The following CSMD1 variants were observed in gnomAD, a reference collection of about 807,000 sequenced individuals.
CSMD1 encodes CUB and sushi domain-containing protein 1.
A neutral mutation model predicts 417.5 loss-of-function variants in CSMD1; 213 were observed. The ratio of observed to expected loss-of-function variants is 0.51; its 90% CI spans 0.46 to 0.57. The LOEUF (loss-of-function observed/expected upper bound fraction) is 0.57. CSMD1 is among the 20% of genes least tolerant of loss of function. The probability of loss-of-function intolerance (pLI) is 0.00; values close to 1 mark genes in which losing one functional copy is unlikely to be tolerated. For synonymous variants in CSMD1, 2,862 were observed against 1,736.8 expected (o/e 1.65, Z -16.11); for missense variants, 6,923 against 4,529.7 (o/e 1.53, Z -15.17).
chr8:4,450,173 T>C (rs1410237218), intron 2 of CSMD1, among the ~76,000 whole-genome samples: 1 of 152,086 alleles, frequency 6.6e-6, no homozygotes, highest in Non-Finnish European at 1.5e-5. Context: ...ATACGTAGAG[T>C]AAAACCGAAC....
intron 3 of CSMD1, among the ~76,000 whole-genome samples, chr8:4,358,913 A>G (rs1801591422): frequency 6.6e-6 from 1 of 152,142 alleles, no homozygotes; most frequent in Admixed American, 6.6e-5. Flanking sequence ...GTGAACCTTT[A>G]TTAAAAAAAC....
intron 5 of CSMD1, among the ~76,000 whole-genome samples, chr8:3,755,737 T>C (rs906925037): frequency 2.6e-5 from 4 of 152,092 alleles, no homozygotes; most frequent in African/African-American, 7.2e-5. Flanking sequence ...ATGTACAGGA[T>C]CCACTTTAAG....
chr8:4,401,700 T>C (rs951454302), intron 3 of CSMD1, among the ~76,000 whole-genome samples: 2 of 151,802 alleles, frequency 1.3e-5, no homozygotes, highest in Admixed American at 1.3e-4. Flanking sequence ...ACCTCCCATC[T>C]AATCCTCCTT....
intron 3 of CSMD1, among the ~76,000 whole-genome samples, chr8:4,245,906 G>A (rs1272836253): frequency 1.3e-5 from 2 of 152,090 alleles, no homozygotes; most frequent in Admixed American, 6.5e-5. Context: ...TGGTGCTTTA[G>A]CTAAGGCGTT....
intron 2 of CSMD1, among the ~76,000 whole-genome samples, chr8:4,633,831 G>C (rs907836051): frequency 1.3e-5 from 2 of 152,088 alleles, no homozygotes; most frequent in Admixed American, 6.5e-5. Context: ...AAATTGCTGG[G>C]ATTACAGGCA....
At chr8:3,877,942 G>C (rs1333534100) in intron 5 of CSMD1, among the ~76,000 whole-genome samples, 1 of 151,190 alleles carries the variant, frequency 6.6e-6, no homozygotes, top group Non-Finnish European at 1.5e-5. Flanking sequence ...CTAAAGCTTT[G>C]TCTACATCAA....
chr8:3,427,033 C>G (rs1209211745), intron 12 of CSMD1, among the ~76,000 whole-genome samples: 3 of 152,098 alleles, frequency 2.0e-5, no homozygotes, highest in Non-Finnish European at 4.4e-5. Context: ...CTTATAAAAC[C>G]AACACATCTC....
At chr8:4,445,757 T>C (rs13254250) in intron 2 of CSMD1, among the ~76,000 whole-genome samples, 4 of 150,166 alleles carry the variant, frequency 2.7e-5, no homozygotes, top group African/African-American at 7.4e-5. Flanking sequence ...TAGACGGTCC[T>C]GAGAATCTAC....
At chr8:4,249,583 C>T (rs146232184) in intron 3 of CSMD1, among the ~76,000 whole-genome samples, 1 of 152,166 alleles carries the variant, frequency 6.6e-6, no homozygotes, top group Admixed American at 6.5e-5. Flanking sequence ...TAGCTTGAAG[C>T]TGTGTATTGA....
rs1022109123 is a variant in CSMD1, at chr8:3,893,966, G to C, written c.818+103937C>G. ...GCACCCAGAGGACCACCCAGAACTT[G>C]CTTACTGGCAACACCTCTTCCCATC... On this transcript the variant is annotated intron_variant, in intron 5 of 69. Coordinates refer to ENST00000635120, the MANE Select transcript of CSMD1 (RefSeq NM_033225.6). Among the ~76,000 whole-genome samples the C allele has an allele frequency of 2.6e-5, 4 of 152,058 alleles. No homozygotes were observed. In the East Asian group the frequency reaches 7.8e-4, roughly 29 times the overall value.
intron 19 of CSMD1, 47 bp from the exon 20 acceptor site, chr8:3,367,294 A>T (rs1809654425): frequency 1.5e-6 from 2 of 1,362,288 alleles, no homozygotes. Context: ...AGAGAGACAC[A>T]CGGGGCGGCG....
At chr8:3,682,121 A>C (rs1799696180) in intron 7 of CSMD1, among the ~76,000 whole-genome samples, 1 of 152,252 alleles carries the variant, frequency 6.6e-6, no homozygotes, top group Non-Finnish European at 1.5e-5. Context: ...TATTCAGGAC[A>C]TAGGCATGGG....
intron 4 of CSMD1, among the ~76,000 whole-genome samples, chr8:4,014,638 G>A (rs894761588): frequency 6.6e-6 from 1 of 152,174 alleles, no homozygotes; most frequent in Admixed American, 6.5e-5. Context: ...CAAATTCAGA[G>A]CCTGGGTCTT....
intron 2 of CSMD1, among the ~76,000 whole-genome samples, chr8:4,605,327 C>G (rs1271703759): frequency 1.3e-5 from 2 of 152,042 alleles, no homozygotes; most frequent in Non-Finnish European, 2.9e-5. Context: ...TCTCTTGAAG[C>G]AATGAACCCA....
chr8:4,455,696 C>T (rs926767188), intron 2 of CSMD1, among the ~76,000 whole-genome samples: 4 of 151,624 alleles, frequency 2.6e-5, no homozygotes, highest in Non-Finnish European at 2.9e-5. Context: ...TTTGGGAGGC[C>T]GAAGCGGGTC....
At chr8:4,608,353 G>C (rs1800992844) in intron 2 of CSMD1, among the ~76,000 whole-genome samples, 1 of 152,198 alleles carries the variant, frequency 6.6e-6, no homozygotes, top group South Asian at 2.1e-4. Context: ...AGCCACGGTG[G>C]TGGCTGACCG....
chr8:4,787,091 G>A (rs1256167750), intron 1 of CSMD1, among the ~76,000 whole-genome samples: 1 of 152,188 alleles, frequency 6.6e-6, no homozygotes, highest in African/African-American at 2.4e-5. Context: ...ACTGATAGCA[G>A]GGTGATACTC....
At chr8:3,507,780 T>C (rs181452355) in intron 10 of CSMD1, among the ~76,000 whole-genome samples, 105 of 150,514 alleles carry the variant, frequency 7.0e-4, no homozygotes, top group Non-Finnish European at 1.0e-3. Flanking sequence ...TTTTCATGTG[T>C]TTTTTTGGCT....
intron 10 of CSMD1, among the ~76,000 whole-genome samples, chr8:3,551,367 T>G (rs1241835939): frequency 6.6e-6 from 1 of 152,094 alleles, no homozygotes; most frequent in African/African-American, 2.4e-5. Flanking sequence ...AGTCATTGGT[T>G]TTAAGCCTAA....
Sources: allele counts gnomAD v4.1 joint callset (sites outside exome capture counted in the v4.1 genomes callset), GRCh38; gene constraint gnomAD v4.1.1; transcripts MANE v1.5; gene names NCBI Gene and HGNC (gene_info 2026-07-23, HGNC 2026-07-21).